Variants in SMYD3 observed in about 807,000 individuals in gnomAD.
The protein encoded by SMYD3 is histone-lysine N-methyltransferase SMYD3.
In SMYD3, 36 loss-of-function variants were observed where a neutral mutation model predicts 57.7. The ratio of observed to expected loss-of-function variants is 0.62; its 90% CI spans 0.48 to 0.82. The LOEUF (loss-of-function observed/expected upper bound fraction) is 0.82, where lower values mean the gene tolerates loss of function less well. SMYD3 is among the 40% of genes least tolerant of loss of function. The probability of loss-of-function intolerance (pLI) is 0.00; values close to 1 mark genes in which losing one functional copy is unlikely to be tolerated. For synonymous variants in SMYD3, 211 were observed against 195.0 expected, an observed-to-expected ratio of 1.08 and a Z score of -0.68; for missense variants, 515 against 538.8, an observed-to-expected ratio of 0.96 and a Z score of 0.44.
intron 1 of SMYD3, among the ~76,000 whole-genome samples, chr1:246,417,825 G>C (rs2067085450): frequency 1.3e-5 from 2 of 152,146 alleles, no homozygotes; most frequent in Admixed American, 1.3e-4. Flanking sequence ...TACAAATGCA[G>C]TTTCAGTTCC....
At chr1:245,893,751 C>G (rs2053547524) in intron 8 of SMYD3, among the ~76,000 whole-genome samples, 1 of 51,762 alleles carries the variant, frequency 1.9e-5, no homozygotes, top group Admixed American at 2.5e-4. Context: ...GAACGCTTCT[C>G]TATCTTGATG....
rs2068394168 is a variant in SMYD3, at chr1:246,498,196, C to T, written c.164+8858G>A. On this transcript the variant is annotated intron_variant, in intron 1 of 11. Coordinates refer to ENST00000490107, the MANE Select transcript of SMYD3 (RefSeq NM_001167740.2). ...TTTTGAGGAATCTACCCTGAAGATA[C>T]ACCAGCAACAATATAAAAATACACA... Among the ~76,000 whole-genome samples, 6 of 152,136 alleles carry T rather than the reference C, an allele frequency of 3.9e-5. No homozygotes were observed. In the South Asian group the frequency reaches 1.2e-3, roughly 31 times the overall value.
chr1:245,893,266 T>C (rs2053508170), intron 8 of SMYD3, among the ~76,000 whole-genome samples: 1 of 152,146 alleles, frequency 6.6e-6, no homozygotes. Flanking sequence ...CTGGTGGGAA[T>C]TCAAAACAAT....
intron 5 of SMYD3, among the ~76,000 whole-genome samples, chr1:246,231,768 C>T (rs1486533760): frequency 6.6e-6 from 1 of 152,116 alleles, no homozygotes; most frequent in East Asian, 1.9e-4. Context: ...AATCTGCACA[C>T]ATTACATGCA....
intron 1 of SMYD3, among the ~76,000 whole-genome samples, chr1:246,370,596 C>T (rs1238955999): frequency 2.0e-5 from 3 of 152,130 alleles, no homozygotes; most frequent in African/African-American, 4.8e-5. Context: ...CTATATGGAG[C>T]GCCTGCTAAC....
chr1:246,263,352 GGCACA>G (rs1460755594), intron 5 of SMYD3, among the ~76,000 whole-genome samples: 7 of 138,636 alleles, frequency 5.0e-5, no homozygotes, highest in Non-Finnish European at 1.1e-4. Context: ...ATGTGACCTG[GGCACA>G]TACCCAGGTC....
At chr1:245,795,371 C>T (rs1179018393) in intron 10 of SMYD3, among the ~76,000 whole-genome samples, 2 of 152,172 alleles carry the variant, frequency 1.3e-5, no homozygotes, top group Non-Finnish European at 2.9e-5. Context: ...TCAACATCCC[C>T]GGTTTTCAGT....
chr1:245,983,678 C>T (rs1464611658), intron 5 of SMYD3, among the ~76,000 whole-genome samples: 1 of 152,196 alleles, frequency 6.6e-6, no homozygotes, highest in Non-Finnish European at 1.5e-5. Context: ...ATGATGTGAT[C>T]TCAGCCATCT....
intron 6 of SMYD3, 23 bp downstream of exon 6, chr1:245,929,847 A>T (rs943236621): frequency 1.3e-6 from 2 of 1,585,290 alleles, no homozygotes; most frequent in African/African-American, 2.7e-5. Flanking sequence ...GTCTTCCAGT[A>T]CATGAAGTAC....
intron 8 of SMYD3, among the ~76,000 whole-genome samples, chr1:245,908,243 CAAAG>C (rs1309705948): frequency 7.8e-6 from 1 of 128,758 alleles, no homozygotes; most frequent in African/African-American, 3.0e-5. Flanking sequence ...AGTCAAAAAA[CAAAG>C]AGAGACACAA....
intron 1 of SMYD3, among the ~76,000 whole-genome samples, chr1:246,504,443 GGTAA>G (rs2068505649): frequency 6.6e-6 from 1 of 152,072 alleles, no homozygotes; most frequent in Non-Finnish European, 1.5e-5. Context: ...GTAAAACAAT[GGTAA>G]GTATTTGTGT....
At chr1:246,342,233 A>C (rs1172540898) in intron 2 of SMYD3, among the ~76,000 whole-genome samples, 1 of 152,198 alleles carries the variant, frequency 6.6e-6, no homozygotes, top group Non-Finnish European at 1.5e-5. Flanking sequence ...CTTCTACGTG[A>C]AATATCACAG....
At chr1:245,965,127 T>A (rs1263887844) in intron 5 of SMYD3, among the ~76,000 whole-genome samples, 1 of 152,186 alleles carries the variant, frequency 6.6e-6, no homozygotes, top group Non-Finnish European at 1.5e-5. Flanking sequence ...AGAAAAACTT[T>A]TGTTTTCTTA....
At chr1:245,787,316 T>C (rs756538643) in intron 10 of SMYD3, among the ~76,000 whole-genome samples, 1 of 152,222 alleles carries the variant, frequency 6.6e-6, no homozygotes, top group African/African-American at 2.4e-5. Flanking sequence ...GCTCTTTACA[T>C]GTAGCTCCCA....
chr1:246,242,347 T>C (rs2063627864), intron 5 of SMYD3, among the ~76,000 whole-genome samples: 2 of 152,228 alleles, frequency 1.3e-5, no homozygotes, highest in African/African-American at 4.8e-5. Flanking sequence ...TTTCGTTATG[T>C]ACCCAGTAGT....
intron 1 of SMYD3, among the ~76,000 whole-genome samples, chr1:246,493,225 G>A (rs1401849780): frequency 6.9e-6 from 1 of 144,616 alleles, no homozygotes; most frequent in South Asian, 2.4e-4. Context: ...GGAGGAGAGG[G>A]GGGCTGAGGT....
intron 5 of SMYD3, among the ~76,000 whole-genome samples, chr1:246,233,449 C>T (rs199580391): frequency 9.7e-4 from 86 of 88,762 alleles, no homozygotes; most frequent in East Asian, 4.9e-3. Context: ...CTCCTTCAAT[C>T]CACACTGTGA....
At chr1:246,393,328 G>C (rs1334451058) in intron 1 of SMYD3, among the ~76,000 whole-genome samples, 1 of 152,084 alleles carries the variant, frequency 6.6e-6, no homozygotes, top group Non-Finnish European at 1.5e-5. Flanking sequence ...CAGTTACTCA[G>C]TGACAGAACC....
At chr1:245,815,769 A>G (rs2048770959) in intron 10 of SMYD3, among the ~76,000 whole-genome samples, 1 of 152,244 alleles carries the variant, frequency 6.6e-6, no homozygotes, top group Non-Finnish European at 1.5e-5. Flanking sequence ...ATCAACCCCT[A>G]AGAGACAGAA....
Sources: gnomAD v4.1 joint callset for allele counts (sites outside exome capture counted in the v4.1 genomes callset) on GRCh38, gnomAD v4.1.1 for gene constraint, MANE v1.5 for transcripts, NCBI Gene and HGNC (gene_info 2026-07-23, HGNC 2026-07-21) for gene names.